The following GLIS3 variants were observed in gnomAD, a reference collection of about 807,000 sequenced individuals.
GLIS3 encodes the protein GLIS family zinc finger 3.
Under a neutral mutation model 78.6 loss-of-function variants are expected in GLIS3, and 53 were observed. The observed-to-expected ratio is 0.67, with a 90% CI of 0.54 to 0.85. The LOEUF (loss-of-function observed/expected upper bound fraction) is 0.85. Ranked by LOEUF, GLIS3 falls within the 40% of genes least tolerant of loss-of-function variation. The probability of loss-of-function intolerance (pLI) is 0.00; values close to 1 mark genes in which losing one functional copy is unlikely to be tolerated. For missense variants in GLIS3, 1,703 were observed against 1,231.1 expected, an observed-to-expected ratio of 1.38 and a Z score of -5.74; for synonymous variants, 684 against 509.9, an observed-to-expected ratio of 1.34 and a Z score of -4.60.
At chr9:4,002,396 G>C (rs1333381686) in intron 4 of GLIS3, among the ~76,000 whole-genome samples, 1 of 152,204 alleles carries the variant, frequency 6.6e-6, no homozygotes, top group Non-Finnish European at 1.5e-5. Context: ...GCCACTAAAT[G>C]TGTGATAATT....
chr9:4,120,529 C>G (rs996866598), intron 3 of GLIS3, among the ~76,000 whole-genome samples: 3 of 152,226 alleles, frequency 2.0e-5, no homozygotes, highest in Non-Finnish European at 4.4e-5. Flanking sequence ...CAGCATGTGG[C>G]TCTTCCTGCA....
intron 2 of GLIS3, among the ~76,000 whole-genome samples, chr9:4,142,547 G>A (rs1001209218): frequency 2.3e-4 from 35 of 152,188 alleles, no homozygotes; most frequent in Admixed American, 8.5e-4. Context: ...TAAACATTCT[G>A]TAGCAAAACA....
intron 4 of GLIS3, among the ~76,000 whole-genome samples, chr9:4,027,255 A>C (rs1446607773): frequency 6.6e-6 from 1 of 152,242 alleles, no homozygotes; most frequent in Non-Finnish European, 1.5e-5. Flanking sequence ...CAATGACTGC[A>C]GAAGATTCTG....
intron 4 of GLIS3, among the ~76,000 whole-genome samples, chr9:3,994,572 CA>C (rs1820591513): frequency 6.6e-6 from 1 of 152,108 alleles, no homozygotes; most frequent in South Asian, 2.1e-4. Flanking sequence ...TGAGTTTTTG[CA>C]TAACTTGCCT....
At chr9:4,379,915 C>T in the GLIS3 span, among the ~76,000 whole-genome samples, 4 of 151,870 alleles carry the variant, frequency 2.6e-5, no homozygotes, top group Admixed American at 6.6e-5. Context: ...TTAGCATAGA[C>T]ATCAAACCAA....
chr9:4,146,676 A>G (rs1834248236), intron 2 of GLIS3, among the ~76,000 whole-genome samples: 1 of 152,216 alleles, frequency 6.6e-6, no homozygotes, highest in Non-Finnish European at 1.5e-5. Context: ...AGTGAATTAG[A>G]TTTTTCAGCA....
intron 4 of GLIS3, among the ~76,000 whole-genome samples, chr9:4,099,578 T>C (rs999434314): frequency 6.6e-6 from 1 of 152,202 alleles, no homozygotes; most frequent in Non-Finnish European, 1.5e-5. Flanking sequence ...TGTTTTCACA[T>C]AATGTCACAT....
intron 2 of GLIS3, among the ~76,000 whole-genome samples, chr9:4,215,628 T>G (rs1820759241): frequency 6.6e-6 from 1 of 152,232 alleles, no homozygotes; most frequent in Non-Finnish European, 1.5e-5. Flanking sequence ...CAGAATCATC[T>G]TTCTATGATT....
intron 9 of GLIS3, among the ~76,000 whole-genome samples, chr9:3,847,229 TAA>T (rs1563771475): frequency 6.6e-6 from 1 of 150,842 alleles, no homozygotes; most frequent in Non-Finnish European, 1.5e-5. Context: ...AAAAATAAAA[TAA>T]AGAGGGGGCA....
At chr9:4,353,604 A>T in the GLIS3 span, among the ~76,000 whole-genome samples, 1 of 152,166 alleles carries the variant, frequency 6.6e-6, no homozygotes, top group Non-Finnish European at 1.5e-5. Flanking sequence ...AGTATCTCTC[A>T]GCGGGTCCAA....
the GLIS3 span, among the ~76,000 whole-genome samples, chr9:4,399,398 C>G: frequency 1.3e-5 from 2 of 152,182 alleles, no homozygotes; most frequent in Admixed American, 1.3e-4. Flanking sequence ...AACTGATTCT[C>G]TTACAACAGC....
At chr9:4,055,349 C>G (rs970663708) in intron 4 of GLIS3, among the ~76,000 whole-genome samples, 2 of 152,182 alleles carry the variant, frequency 1.3e-5, no homozygotes, top group Non-Finnish European at 2.9e-5. Context: ...TGCCTCCGTC[C>G]ATCCCTGTTC....
At chr9:3,982,669 A>G (rs536850894) in intron 4 of GLIS3, among the ~76,000 whole-genome samples, 1 of 152,334 alleles carries the variant, frequency 6.6e-6, no homozygotes, top group African/African-American at 2.4e-5. Context: ...CAGAAAGGCC[A>G]AGCCTAGCAA....
In GLIS3 at chr9:4,050,773, C is replaced by G. The variant is rs74848181; in HGVS notation, c.1710+66995G>C. Among the ~76,000 whole-genome samples the G allele has an allele frequency of 1.4e-4, 21 of 152,180 alleles. No homozygotes were observed. The East Asian group carries it at 3.7e-3, about 27-fold the overall frequency. On this transcript the variant is annotated intron_variant, in intron 4 of 10. Transcript: ENST00000381971. ...TTTTAAAGCCTTCAAACACTAGAGTCCACTGAAAGTCACTGGCATCACTTT... is the reference window on the plus strand; with the variant it reads ...TTTTAAAGCCTTCAAACACTAGAGTGCACTGAAAGTCACTGGCATCACTTT...
At chr9:4,018,144 AG>A (rs1211095663) in intron 4 of GLIS3, among the ~76,000 whole-genome samples, 1 of 152,258 alleles carries the variant, frequency 6.6e-6, no homozygotes, top group Non-Finnish European at 1.5e-5. Context: ...TCATCTGAAA[AG>A]GAAGGCAGGA....
rs141233291 is a variant in GLIS3 at position 4,182,489 on chromosome 9, G to T, written c.389-56548C>A. Among the ~76,000 whole-genome samples, 14 of 152,314 alleles carry T rather than the reference G, an allele frequency of 9.2e-5. No homozygotes were observed. The South Asian group carries it at 2.7e-3, about 29-fold the overall frequency. ...CACTGTCGGGGATATTTTATCATCA[G>T]TGACAGTATAGGGCAGAGGTTGAAT... On this transcript the variant is annotated intron_variant, in intron 2 of 10. Transcript: ENST00000381971.
chr9:4,030,591 TA>T (rs1408764282), intron 4 of GLIS3, among the ~76,000 whole-genome samples: 2 of 152,220 alleles, frequency 1.3e-5, no homozygotes, highest in East Asian at 3.8e-4. Flanking sequence ...TTTAAGTCTT[TA>T]AGCCATTTTG....
intron 2 of GLIS3, among the ~76,000 whole-genome samples, chr9:4,332,979 A>C (rs971955153): frequency 6.6e-6 from 1 of 152,220 alleles, no homozygotes; most frequent in African/African-American, 2.4e-5. Context: ...TCAGCTCCCT[A>C]ATTTTTATAG....
the GLIS3 span, among the ~76,000 whole-genome samples, chr9:4,408,664 T>C: frequency 3.6e-5 from 5 of 138,676 alleles, no homozygotes; most frequent in South Asian, 2.4e-4. Flanking sequence ...GAGGCGGAGC[T>C]TGCAGTGAGC....
Sources: gnomAD v4.1 joint callset for allele counts (sites outside exome capture counted in the v4.1 genomes callset) on GRCh38, gnomAD v4.1.1 for gene constraint, MANE v1.5 for transcripts, NCBI Gene and HGNC (gene_info 2026-07-23, HGNC 2026-07-21) for gene names.